VWC2: variants seen among roughly 807,000 people sequenced by gnomAD.
The protein encoded by VWC2 is brorin.
In VWC2, 14 loss-of-function variants were observed where a neutral mutation model predicts 29.8. That is an observed-to-expected ratio of 0.47 (90% CI 0.31 to 0.74). The LOEUF (loss-of-function observed/expected upper bound fraction) is 0.74, where lower values mean the gene tolerates loss of function less well. Ranked by LOEUF, VWC2 falls within the 30% of genes least tolerant of loss-of-function variation. The pLI is 0.05. For missense variants in VWC2, 457 were observed against 459.8 expected, an observed-to-expected ratio of 0.99 and a Z score of 0.05; for synonymous variants, 213 against 199.0, an observed-to-expected ratio of 1.07 and a Z score of -0.59.
rs560952392 is a variant in VWC2 at position 49,827,323 on chromosome 7, C to T, written c.826+24483C>T. Among the ~76,000 whole-genome samples, 8 of 113,580 alleles carry T rather than the reference C, an allele frequency of 7.0e-5. No homozygotes were observed. The South Asian group carries it at 2.4e-3, about 35-fold the overall frequency. 74.5% of individuals were successfully genotyped at this position (113,580 alleles called of 152,430 possible). Reference sequence around the variant, plus strand: ...TTAGTATTTATATAATGCATTTTGACTTTAAGTGTTATTGTATAGTGACAT... The same window carrying T: ...TTAGTATTTATATAATGCATTTTGATTTTAAGTGTTATTGTATAGTGACAT... On this transcript the variant is annotated intron_variant, in intron 3 of 3. Transcript: ENST00000340652.
At chr7:49,831,854 C>T (rs1306914834) in intron 3 of VWC2, among the ~76,000 whole-genome samples, 1 of 152,148 alleles carries the variant, frequency 6.6e-6, no homozygotes, top group Non-Finnish European at 1.5e-5. Flanking sequence ...GATCTTTAAG[C>T]AACTCCAGAA....
chr7:49,788,811 C>A (rs1329911575), intron 2 of VWC2, among the ~76,000 whole-genome samples: 2 of 118,986 alleles, frequency 1.7e-5, no homozygotes, highest in Non-Finnish European at 3.5e-5. Flanking sequence ...TGTGTGGGTG[C>A]GTGTGAGAGT....
At chr7:49,789,284 A>G (rs1312090493) in intron 2 of VWC2, among the ~76,000 whole-genome samples, 1 of 105,298 alleles carries the variant, frequency 9.5e-6, no homozygotes, top group African/African-American at 3.7e-5. Context: ...TGTGTGTGAG[A>G]GTGTGAGTGT....
chr7:49,815,788 C>T (rs569671915), intron 3 of VWC2, among the ~76,000 whole-genome samples: 3 of 152,300 alleles, frequency 2.0e-5, no homozygotes, highest in Admixed American at 2.0e-4. Flanking sequence ...ATAGTGACAT[C>T]AGTGGCTGCT....
At chr7:49,828,335 C>T (rs1789450502) in intron 3 of VWC2, among the ~76,000 whole-genome samples, 2 of 152,060 alleles carry the variant, frequency 1.3e-5, no homozygotes, top group South Asian at 4.1e-4. Context: ...TATTTTGCAC[C>T]AGGATTTTTG....
chr7:49,903,964 C>A (rs1041690996), intron 3 of VWC2, among the ~76,000 whole-genome samples: 3 of 152,172 alleles, frequency 2.0e-5, no homozygotes, highest in African/African-American at 7.2e-5. Flanking sequence ...TTGGTTGGAT[C>A]AGATGTGACA....
Position 49,775,770 on chromosome 7 carries a change from G to C in VWC2, c.335G>C (p.Arg112Pro), listed in dbSNP as rs1014076846. Residue 112 changes from arginine to proline, a missense_variant, in exon 2 of 4, where the codon CGG (arginine) becomes CCG (proline). This residue lies in a region of VWC2 where 272 missense variants were observed against 202.7 expected (regional missense o/e 1.34). Transcript: ENST00000340652. ...GGAKAGDLQV[R>P]PRGDTPQAEA... Reference sequence around the variant, plus strand: ...GCCAAGGCCGGGGATCTGCAGGTCCGGCCCCGCGGGGACACCCCGCAGGCG... The same window carrying C: ...GCCAAGGCCGGGGATCTGCAGGTCCCGCCCCGCGGGGACACCCCGCAGGCG... The C allele has an allele frequency of 1.1e-4, 163 of 1,516,878 alleles. No individual in the cohort carries two copies. The highest frequency in any genetic ancestry group is 1.7e-4 in the Middle Eastern group (1 of 5,728). The allele number at this position is 1,516,878 out of a possible 1,614,324, so 94.0% of individuals were successfully genotyped here.
chr7:49,922,108 GCTCA>G (rs1318686622), downstream of VWC2, among the ~76,000 whole-genome samples: 1 of 151,924 alleles, frequency 6.6e-6, no homozygotes. Context: ...AATCCTTGAG[GCTCA>G]CTCAAATATG....
intron 3 of VWC2, among the ~76,000 whole-genome samples, chr7:49,888,041 A>G (rs534403015): frequency 6.6e-6 from 1 of 152,332 alleles, no homozygotes; most frequent in Non-Finnish European, 1.5e-5. Context: ...GCAGGCTCAT[A>G]CTGGCTTTGA....
At chr7:49,868,328 G>A (rs1397030387) in intron 3 of VWC2, among the ~76,000 whole-genome samples, 1 of 152,106 alleles carries the variant, frequency 6.6e-6, no homozygotes, top group African/African-American at 2.4e-5. Flanking sequence ...CTTTAGCCAA[G>A]TCAATTTTGT....
intron 3 of VWC2, among the ~76,000 whole-genome samples, chr7:49,869,466 A>G (rs143821265): frequency 0.014 from 2,059 of 152,342 alleles, 38 homozygotes; most frequent in African/African-American, 0.047. Context: ...GATATAGGGA[A>G]AAAATTATCT....
At chr7:49,868,013 T>C (rs1790986642) in intron 3 of VWC2, among the ~76,000 whole-genome samples, 1 of 152,058 alleles carries the variant, frequency 6.6e-6, no homozygotes, top group South Asian at 2.1e-4. Flanking sequence ...TTTGTATTTT[T>C]AGTAGAGATG....
At chr7:49,776,277 C>G in intron 2 of VWC2, 146 bp downstream of exon 2, 1 of 714,614 alleles carries the variant, frequency 1.4e-6, no homozygotes, top group Non-Finnish European at 2.2e-6. Flanking sequence ...TTTGACATGA[C>G]CTCTCTTTTT....
At chr7:49,793,679 C>T (rs906337448) in intron 2 of VWC2, among the ~76,000 whole-genome samples, 1 of 152,196 alleles carries the variant, frequency 6.6e-6, no homozygotes, top group African/African-American at 2.4e-5. Flanking sequence ...ATCTGATTAA[C>T]ACCACAATGT....
intron 3 of VWC2, among the ~76,000 whole-genome samples, chr7:49,805,858 T>C (rs1788864690): frequency 6.6e-6 from 1 of 152,252 alleles, no homozygotes; most frequent in African/African-American, 2.4e-5. Context: ...TGTCTTGACC[T>C]GTAGCATTAA....
chr7:49,781,775 G>T (rs1290497179), intron 2 of VWC2, among the ~76,000 whole-genome samples: 1 of 152,200 alleles, frequency 6.6e-6, no homozygotes, highest in East Asian at 1.9e-4. Flanking sequence ...ACTTGGCTAA[G>T]CATTTATTTA....
At chr7:49,874,047 A>C (rs1223318508) in intron 3 of VWC2, among the ~76,000 whole-genome samples, 1 of 151,966 alleles carries the variant, frequency 6.6e-6, no homozygotes, top group Non-Finnish European at 1.5e-5. Context: ...TATAGCATAC[A>C]TGGCATATTT....
intron 2 of VWC2, among the ~76,000 whole-genome samples, chr7:49,788,483 G>C (rs1788353269): frequency 6.6e-6 from 1 of 151,862 alleles, no homozygotes; most frequent in South Asian, 2.1e-4. Flanking sequence ...GAGAGTGTGT[G>C]GGTGTGTAAG....
rs919520091 is a variant in VWC2 at position 49,915,493 on chromosome 7, T to C, written c.*3308T>C. The C allele has an allele frequency of 6.6e-6, 1 of 152,220 alleles. No individual in the cohort carries two copies. The highest frequency in any genetic ancestry group is 1.5e-5 in the Non-Finnish European group (1 of 68,028). 9.4% of individuals were successfully genotyped at this position (152,220 alleles called of 1,614,324 possible). ...TTCTTCCCTCGTTCTCCAACATAAA[T>C]GTTGCATTTATATAAGGTTAAAAGT... On this transcript the variant is annotated 3_prime_UTR_variant, in exon 4 of 4. Coordinates refer to ENST00000340652, the MANE Select transcript of VWC2 (RefSeq NM_198570.5).
Sources: gnomAD v4.1 joint callset for allele counts (sites outside exome capture counted in the v4.1 genomes callset) on GRCh38, gnomAD v4.1.1 for gene constraint, gnomAD v4.1.1 regional missense constraint, MANE v1.5 for transcripts, NCBI Gene and HGNC (gene_info 2026-07-23, HGNC 2026-07-21) for gene names.